DMD: variants seen among roughly 807,000 people sequenced by gnomAD.
DMD encodes mutant dystrophin.
Under a neutral mutation model 330.1 loss-of-function variants are expected in DMD, and 63 were observed. The ratio of observed to expected loss-of-function variants is 0.19; its 90% confidence interval spans 0.16 to 0.24. DMD has a LOEUF of 0.24. Among genes scored for constraint, DMD ranks in the 10% least tolerant of loss-of-function variants. The probability of loss-of-function intolerance (pLI) is 1.00; values close to 1 mark genes in which losing one functional copy is unlikely to be tolerated. For missense variants in DMD, 3,344 were observed against 2,684.1 expected, an observed-to-expected ratio of 1.25 and a Z score of -5.43; for synonymous variants, 1,223 against 959.8, an observed-to-expected ratio of 1.27 and a Z score of -5.07.
chrX:32,390,012 T>C, intron 31 of DMD, 59 bp downstream of exon 31: 1 of 907,243 alleles, frequency 1.1e-6, no homozygotes. Flanking sequence ...TTGTCCAATA[T>C]AGACTGGAGT....
chrX:31,735,833 G>A (rs2086832143), intron 51 of DMD, among the ~76,000 whole-genome samples: 1 of 111,837 alleles, frequency 8.9e-6, no homozygotes, highest in African/African-American at 3.3e-5. Context: ...AAGACAGAAA[G>A]TTAAGATTAT....
intron 57 of DMD, among the ~76,000 whole-genome samples, chrX:31,489,651 T>A (rs537392819): frequency 3.8e-4 from 43 of 111,945 alleles, no homozygotes; most frequent in African/African-American, 1.2e-3. Flanking sequence ...TAACATAGAG[T>A]AGGCTCTTCA....
intron 17 of DMD, among the ~76,000 whole-genome samples, chrX:32,536,251 G>A (rs766126957): frequency 1.3e-5 from 1 of 77,375 alleles, no homozygotes; most frequent in Non-Finnish European, 2.2e-5. Context: ...GCAACAGAGT[G>A]AGACTCCGTC....
chrX:32,136,293 T>C (rs1298769887), intron 44 of DMD, among the ~76,000 whole-genome samples: 1 of 112,568 alleles, frequency 8.9e-6, no homozygotes, highest in African/African-American at 3.2e-5. Flanking sequence ...TCCCACCTAG[T>C]ATATACCAGC....
At chrX:32,327,364 T>C (rs1378061812) in intron 41 of DMD, among the ~76,000 whole-genome samples, 1 of 111,237 alleles carries the variant, frequency 9.0e-6, no homozygotes, top group African/African-American at 3.3e-5. Flanking sequence ...AGAGGCCTTT[T>C]GTTCTACTCC....
At chrX:32,291,202 A>G (rs2097466471) in intron 42 of DMD, among the ~76,000 whole-genome samples, 1 of 111,773 alleles carries the variant, frequency 8.9e-6, no homozygotes, top group Non-Finnish European at 1.9e-5. Flanking sequence ...TGATTTTTAA[A>G]AAGTTATCAT....
chrX:32,787,914 T>G (rs890388401), intron 7 of DMD, among the ~76,000 whole-genome samples: 2 of 111,677 alleles, frequency 1.8e-5, no homozygotes, highest in Non-Finnish European at 3.8e-5. Flanking sequence ...TCCAGTTATT[T>G]GACATAACTT....
chrX:32,989,282 C>A (rs945391184), intron 2 of DMD, among the ~76,000 whole-genome samples: 2 of 111,486 alleles, frequency 1.8e-5, no homozygotes, highest in Non-Finnish European at 3.8e-5. Context: ...CACTGCAAAA[C>A]CCTTCTCATC....
chrX:32,166,395 C>T (rs1018850199), intron 44 of DMD, among the ~76,000 whole-genome samples: 2 of 110,980 alleles, frequency 1.8e-5, no homozygotes, highest in African/African-American at 6.6e-5. Context: ...GAGGTCAAGG[C>T]TGCAGTGAGC....
At chrX:32,359,405 CT>C (rs765630308) in intron 37 of DMD, among the ~76,000 whole-genome samples, 24 of 111,889 alleles carry the variant, frequency 2.1e-4, no homozygotes, top group Non-Finnish European at 4.3e-4. Flanking sequence ...AGTCTATGAC[CT>C]ACCCGTGTTC....
At chrX:31,688,748 G>A (rs1365886628) in intron 52 of DMD, among the ~76,000 whole-genome samples, 11 of 111,409 alleles carry the variant, frequency 9.9e-5, no homozygotes, top group East Asian at 5.6e-4. Flanking sequence ...GAATCCAGCA[G>A]CACATCAAAA....
chrX:31,828,678 A>G (rs565282310), intron 49 of DMD, among the ~76,000 whole-genome samples: 11 of 108,878 alleles, frequency 1.0e-4, no homozygotes, highest in African/African-American at 2.3e-4. Flanking sequence ...AAAAAAAAAA[A>G]AAAGAAAGAA....
intron 51 of DMD, among the ~76,000 whole-genome samples, chrX:31,734,716 G>C (rs933687292): frequency 1.8e-5 from 2 of 110,888 alleles, no homozygotes; most frequent in Non-Finnish European, 3.8e-5. Context: ...GAAAACAAAC[G>C]AGTAGTGATG....
chrX:31,803,742 C>G (rs931461151), intron 50 of DMD, among the ~76,000 whole-genome samples: 12 of 107,978 alleles, frequency 1.1e-4, no homozygotes, highest in African/African-American at 4.1e-4. Context: ...TCTTGTTGCC[C>G]AGGCTGGAGC....
chrX:31,673,475 T>G lies in DMD; in HGVS notation c.7872+5900A>C, dbSNP rs1455454360. Among the ~76,000 whole-genome samples, 6 of 110,585 alleles carry G rather than the reference T, an allele frequency of 5.4e-5. No homozygotes were observed. In the East Asian group the frequency reaches 1.7e-3, roughly 32 times the overall value. On this transcript the variant is annotated intron_variant, in intron 53 of 78. Transcript: ENST00000357033. ...TAAAAACACGAGAAATAGTTGGGCG[T>G]GGTGGAATGTGCCTGTAGTTCCATC...
intron 59 of DMD, among the ~76,000 whole-genome samples, chrX:31,456,862 GTGTGTGTGTGTGTGTA>G (rs1352008651): frequency 2.0e-5 from 2 of 100,190 alleles, no homozygotes; most frequent in Non-Finnish European, 4.0e-5. Context: ...GTGTGTGTGT[GTGTGTGTGTGTGTGTA>G]TATATATATA....
intron 55 of DMD, among the ~76,000 whole-genome samples, chrX:31,549,826 G>T (rs1469357924): frequency 8.9e-6 from 1 of 112,092 alleles, no homozygotes; most frequent in Non-Finnish European, 1.9e-5. Flanking sequence ...TAAAAGAATC[G>T]TTTATGAGTT....
At chrX:31,527,366 C>A (rs761127455) in intron 55 of DMD, among the ~76,000 whole-genome samples, 4 of 111,693 alleles carry the variant, frequency 3.6e-5, no homozygotes, top group Admixed American at 9.5e-5. Context: ...GACTTCCATG[C>A]AGCTAGTGTT....
intron 7 of DMD, among the ~76,000 whole-genome samples, chrX:32,743,218 C>T (rs762991841): frequency 9.0e-6 from 1 of 111,450 alleles, no homozygotes; most frequent in Admixed American, 9.6e-5. Flanking sequence ...GCATTCTCAT[C>T]TCTTCAAAGG....
Sources: allele counts gnomAD v4.1 joint callset (sites outside exome capture counted in the v4.1 genomes callset), GRCh38; gene constraint gnomAD v4.1.1; transcripts MANE v1.5; gene names NCBI Gene and HGNC (gene_info 2026-07-23, HGNC 2026-07-21).